MLIP: variants seen among roughly 807,000 people sequenced by gnomAD.
The protein encoded by MLIP is muscular LMNA-interacting protein.
In MLIP, 79 loss-of-function variants were observed where a neutral mutation model predicts 84.8. The observed-to-expected ratio is 0.93, with a 90% CI of 0.78 to 1.12. MLIP has a LOEUF of 1.12. MLIP is among the 50% of genes most tolerant of loss of function. MLIP has a pLI of 0.00. For synonymous variants in MLIP, 504 were observed against 463.0 expected, an observed-to-expected ratio of 1.09 and a Z score of -1.14; for missense variants, 1,257 against 1,160.6, an observed-to-expected ratio of 1.08 and a Z score of -1.21.
intron 1 of MLIP, among the ~76,000 whole-genome samples, chr6:54,116,094 G>A (rs1769893270): frequency 6.6e-6 from 1 of 152,136 alleles, no homozygotes; most frequent in African/African-American, 2.4e-5. Context: ...ACAGAGCCTA[G>A]GGTTTCTCAT....
At chr6:54,089,335 T>G (rs2150368757) in intron 1 of MLIP, among the ~76,000 whole-genome samples, 1 of 152,294 alleles carries the variant, frequency 6.6e-6, no homozygotes, top group South Asian at 2.1e-4. Flanking sequence ...TTAAGCTAAG[T>G]TTGAATATTG....
chr6:54,057,136 G>A (rs1291933589), intron 1 of MLIP, among the ~76,000 whole-genome samples: 1 of 152,160 alleles, frequency 6.6e-6, no homozygotes, highest in Non-Finnish European at 1.5e-5. Flanking sequence ...AAGAGACAAA[G>A]CACTGAGAAA....
chr6:54,112,831 T>G (rs1397338840), intron 1 of MLIP, among the ~76,000 whole-genome samples: 2 of 152,212 alleles, frequency 1.3e-5, no homozygotes, highest in African/African-American at 4.8e-5. Flanking sequence ...GCAGTACCGT[T>G]GTAAAAGCAT....
At chr6:54,150,888 G>A (rs1773369688) in intron 5 of MLIP, among the ~76,000 whole-genome samples, 1 of 152,152 alleles carries the variant, frequency 6.6e-6, no homozygotes, top group African/African-American at 2.4e-5. Flanking sequence ...TTTCATAAAT[G>A]TGTATGGTGA....
chr6:54,138,151 A>T lies in MLIP; in HGVS notation c.2082A>T (p.Lys694Asn), dbSNP rs1271220611. The change falls in exon 4 of 14, where the codon AAA becomes AAT. Residue 694 changes from lysine (K) to asparagine (N), a missense_variant. Coordinates refer to ENST00000502396, the MANE Select transcript of MLIP (RefSeq NM_001281747.2). ...GSGTLPSRLG[K>N]SESTTPNHRS... ...GTACCTTGCCTTCAAGACTTGGGAA[A>T]TCTGAAAGCACCACCCCCAACCACA... 18 of 1,535,980 alleles carry T rather than the reference A, an allele frequency of 1.2e-5. No homozygotes were observed. The South Asian group carries it at 1.8e-4, about 15-fold the overall frequency.
intron 12 of MLIP, among the ~76,000 whole-genome samples, chr6:54,250,968 A>G (rs777144802): frequency 6.6e-5 from 10 of 151,996 alleles, no homozygotes; most frequent in Non-Finnish European, 1.5e-4. Flanking sequence ...TATAATTACT[A>G]TCTGTCTCTC....
chr6:54,109,924 TCTTCCTTCCTTCCTTCCTTCCTTCCTTC>T (rs765528200), upstream of MLIP, among the ~76,000 whole-genome samples: 3 of 65,860 alleles, frequency 4.6e-5, no homozygotes, highest in African/African-American at 1.5e-4. Flanking sequence ...TTTCTTTCTT[TCTTCCTTCCTTCCTTCCTTCCTTCCTTC>T]CTTCCTTCCT....
chr6:54,156,530 A>T (rs1302215409), intron 5 of MLIP, among the ~76,000 whole-genome samples: 2 of 152,148 alleles, frequency 1.3e-5, no homozygotes, highest in Admixed American at 6.6e-5. Flanking sequence ...ATCGCATTGC[A>T]CTAGCATTGA....
chr6:54,157,000 G>A (rs3996972), intron 5 of MLIP, among the ~76,000 whole-genome samples: 1 of 152,058 alleles, frequency 6.6e-6, no homozygotes, highest in African/African-American at 2.4e-5. Context: ...AGGATGAATA[G>A]GAATTCTGTA....
intron 1 of MLIP, among the ~76,000 whole-genome samples, chr6:54,020,695 T>G (rs982629436): frequency 1.3e-5 from 2 of 152,216 alleles, no homozygotes; most frequent in Non-Finnish European, 2.9e-5. Context: ...TGAATACAGC[T>G]ATAAATCTAG....
At chr6:54,085,598 G>T (rs187664825) in intron 1 of MLIP, among the ~76,000 whole-genome samples, 88 of 152,210 alleles carry the variant, frequency 5.8e-4, no homozygotes, top group African/African-American at 1.7e-3. Flanking sequence ...TAAACAAAAC[G>T]AATCAGTGAG....
At chr6:54,153,673 C>A (rs966135638) in intron 5 of MLIP, among the ~76,000 whole-genome samples, 28 of 151,736 alleles carry the variant, frequency 1.8e-4, no homozygotes, top group African/African-American at 6.3e-4. Flanking sequence ...CATGGTGAAA[C>A]CCTGTTTCTA....
chr6:54,201,692 G>A (rs952222207), intron 10 of MLIP, among the ~76,000 whole-genome samples: 1 of 152,164 alleles, frequency 6.6e-6, no homozygotes, highest in African/African-American at 2.4e-5. Flanking sequence ...CATGGAGGGT[G>A]AGCAGTTTCC....
At chr6:54,202,026 G>T in intron 10 of MLIP, 79 bp from the exon 11 acceptor site, 1 of 1,038,906 alleles carries the variant, frequency 9.6e-7, no homozygotes, top group South Asian at 2.9e-5. Context: ...AGCATTGAAT[G>T]ACTTAACAAT....
At chr6:54,161,099 A>G (rs1029046364) in intron 8 of MLIP, among the ~76,000 whole-genome samples, 1 of 151,818 alleles carries the variant, frequency 6.6e-6, no homozygotes, top group Non-Finnish European at 1.5e-5. Context: ...ATATTAGGCT[A>G]TGTTTTTTTT....
chr6:54,072,525 GTCT>G (rs776986955), intron 1 of MLIP, among the ~76,000 whole-genome samples: 1 of 152,132 alleles, frequency 6.6e-6, no homozygotes, highest in Non-Finnish European at 1.5e-5. Flanking sequence ...TCAGGCATCT[GTCT>G]TCTCTGTTTC....
At position 54,234,482 on chromosome 6, in the gene MLIP, C is replaced by G. The variant is rs555110515; in HGVS notation, c.2922+3565C>G. 1.8e-4 allele frequency among the ~76,000 whole-genome samples: 27 copies of G among 152,124 alleles called. 1 individual carries two copies. In the South Asian group the frequency reaches 5.4e-3, roughly 30 times the overall value. ...GATTCCTCCCCTTTGTATGCAGAAG[C>G]CTAAAAAACAAAATAAAACAATACA... On this transcript the variant is annotated intron_variant, in intron 12 of 13. Transcript: ENST00000502396.
intron 10 of MLIP, among the ~76,000 whole-genome samples, chr6:54,201,281 A>G (rs1778659628): frequency 6.6e-6 from 1 of 152,210 alleles, no homozygotes; most frequent in Admixed American, 6.5e-5. Flanking sequence ...AAGTTGAGTT[A>G]AATAAAAAGG....
At chr6:54,117,952 C>T (rs1018672229) in intron 1 of MLIP, among the ~76,000 whole-genome samples, 3 of 133,184 alleles carry the variant, frequency 2.3e-5, no homozygotes, top group Non-Finnish European at 4.7e-5. Flanking sequence ...CTCAAAACAA[C>T]AACAACAACA....
Sources: allele counts gnomAD v4.1 joint callset (sites outside exome capture counted in the v4.1 genomes callset), GRCh38; gene constraint gnomAD v4.1.1; transcripts MANE v1.5; gene names NCBI Gene and HGNC (gene_info 2026-07-23, HGNC 2026-07-21).